Variants in WDR41 observed in about 807,000 individuals in gnomAD.
The protein encoded by WDR41 is WD repeat-containing protein 41.
A neutral mutation model predicts 69.3 loss-of-function variants in WDR41; 63 were observed. The ratio of observed to expected loss-of-function variants is 0.91; its 90% CI spans 0.74 to 1.12. WDR41 has a LOEUF of 1.12. Ranked by LOEUF, WDR41 falls within the 50% of genes most tolerant of loss-of-function variation. The pLI is 0.00. For missense variants in WDR41, 543 were observed against 534.5 expected (o/e 1.02, Z -0.16); for synonymous variants, 185 against 192.1 (o/e 0.96, Z 0.31).
At chr5:77,603,219 A>G (rs1380833218) in intron 1 of WDR41, among the ~76,000 whole-genome samples, 1 of 152,150 alleles carries the variant, frequency 6.6e-6, no homozygotes, top group Non-Finnish European at 1.5e-5. Flanking sequence ...TACAGGCATG[A>G]GCCACTGCGC....
At chr5:77,475,245 C>T (rs1364885564) in intron 2 of WDR41, among the ~76,000 whole-genome samples, 4 of 152,310 alleles carry the variant, frequency 2.6e-5, no homozygotes, top group African/African-American at 7.2e-5. Context: ...GGGGGAGGGG[C>T]GCCCGCCATT....
chr5:77,492,497 C>T (rs1373811557), upstream of WDR41: 1 of 402,648 alleles, frequency 2.5e-6, no homozygotes, highest in Non-Finnish European at 4.4e-6. Flanking sequence ...GGGGCGCGCG[C>T]TGCTCCGAGT....
intron 1 of WDR41, among the ~76,000 whole-genome samples, chr5:77,551,472 G>A (rs7722322): frequency 0.45 from 67,658 of 151,694 alleles, 15,378 homozygotes; most frequent in South Asian, 0.54. Context: ...GAGGTCAGGA[G>A]TTTGAGGCCA....
At chr5:77,436,535 G>C in intron 11 of WDR41, 141 bp from the exon 12 acceptor site, 2 of 973,596 alleles carry the variant, frequency 2.1e-6, no homozygotes, top group Non-Finnish European at 3.0e-6. Flanking sequence ...CACCGTGCTA[G>C]GGTTTTGTGA....
At chr5:77,516,726 G>GAA (rs1036660576) in intron 1 of WDR41, among the ~76,000 whole-genome samples, 34 of 152,298 alleles carry the variant, frequency 2.2e-4, no homozygotes, top group African/African-American at 7.7e-4. Flanking sequence ...TGTCTCTTAA[G>GAA]AATGTTTTCC....
chr5:77,536,501 G>A (rs536171421), intron 1 of WDR41, among the ~76,000 whole-genome samples: 5 of 152,170 alleles, frequency 3.3e-5, no homozygotes, highest in South Asian at 4.1e-4. Flanking sequence ...AGTCAAAGAC[G>A]AGGAAAAAAA....
intron 1 of WDR41, among the ~76,000 whole-genome samples, chr5:77,538,256 G>T (rs59648316): frequency 6.6e-6 from 1 of 152,038 alleles, no homozygotes; most frequent in Non-Finnish European, 1.5e-5. Flanking sequence ...TTCTACCCAT[G>T]TCGCTGCAAA....
At chr5:77,607,007 T>C (rs1404413588) in intron 1 of WDR41, among the ~76,000 whole-genome samples, 1 of 151,694 alleles carries the variant, frequency 6.6e-6, no homozygotes, top group African/African-American at 2.4e-5. Flanking sequence ...GAGAAGTTTT[T>C]GAGTAAGACA....
At chr5:77,531,559 T>C (rs964640584) in intron 1 of WDR41, among the ~76,000 whole-genome samples, 1 of 151,912 alleles carries the variant, frequency 6.6e-6, no homozygotes, top group African/African-American at 2.4e-5. Context: ...GTGGGAATGT[T>C]CAGCTGCTGT....
Position 77,595,199 on chromosome 5 carries a change from T to C in WDR41, c.42+25280A>G, listed in dbSNP as rs567709981. On this transcript the variant is annotated intron_variant, in intron 1 of 5. Coordinates refer to the WDR41 transcript ENST00000509971. ...AAGTCTTTAAAGGTATTTGAATCTG[T>C]GTACTAAATTAGATCAAACAGAAAA... Among the ~76,000 whole-genome samples, 16 of 152,322 alleles carry C rather than the reference T, an allele frequency of 1.1e-4. 2 individuals are homozygous for C. In the South Asian group the frequency reaches 3.3e-3, roughly 32 times the overall value.
intron 10 of WDR41, 136 bp downstream of exon 10, chr5:77,438,104 G>A (rs1799016632): frequency 7.8e-7 from 1 of 1,283,706 alleles, no homozygotes; most frequent in Non-Finnish European, 1.1e-6. Context: ...ACAGCCCTCA[G>A]GCATTCTCCA....
chr5:77,516,829 T>G (rs544830570), intron 1 of WDR41, among the ~76,000 whole-genome samples: 1 of 152,058 alleles, frequency 6.6e-6, no homozygotes, highest in African/African-American at 2.4e-5. Flanking sequence ...CCATCCTGAT[T>G]AACAGGGCGA....
At chr5:77,584,616 G>A (rs539738615) in intron 1 of WDR41, among the ~76,000 whole-genome samples, 1 of 152,148 alleles carries the variant, frequency 6.6e-6, no homozygotes, top group African/African-American at 2.4e-5. Context: ...AAAACATAAA[G>A]TGGGGAAAGG....
intron 1 of WDR41, among the ~76,000 whole-genome samples, chr5:77,596,014 G>A (rs1320833965): frequency 6.6e-6 from 1 of 151,970 alleles, no homozygotes; most frequent in Admixed American, 6.6e-5. Flanking sequence ...ACTGGCTGTG[G>A]GCTTAATGCC....
chr5:77,454,596 C>T (rs1799754411), intron 5 of WDR41, among the ~76,000 whole-genome samples: 1 of 152,094 alleles, frequency 6.6e-6, no homozygotes. Context: ...ATTTGGTAGT[C>T]AGGAAAGTGA....
chr5:77,441,091 C>T, intron 8 of WDR41, 94 bp from the exon 9 acceptor site: 1 of 1,341,486 alleles, frequency 7.5e-7, no homozygotes, highest in Non-Finnish European at 9.9e-7. Context: ...CGTATAAAAC[C>T]ACAGTAATTA....
chr5:77,434,760 C>T (rs149423752), intron 12 of WDR41, among the ~76,000 whole-genome samples: 3 of 152,200 alleles, frequency 2.0e-5, no homozygotes, highest in East Asian at 1.9e-4. Context: ...ATTTTATCAA[C>T]GAAGCTGGAG....
intron 1 of WDR41, chr5:77,583,154 T>C (rs1743972067): frequency 5.1e-6 from 6 of 1,187,366 alleles, no homozygotes; most frequent in African/African-American, 1.5e-5. Context: ...TCTAAGCTGG[T>C]TGGTTAATAA....
At chr5:77,484,619 T>G (rs1386554674) in intron 2 of WDR41, among the ~76,000 whole-genome samples, 6 of 152,238 alleles carry the variant, frequency 3.9e-5, no homozygotes, top group Non-Finnish European at 8.8e-5. Flanking sequence ...TCTAAAAATA[T>G]TAACTTTTTC....
Sources: gnomAD v4.1 joint callset for allele counts (sites outside exome capture counted in the v4.1 genomes callset) on GRCh38, gnomAD v4.1.1 for gene constraint, MANE v1.5 for transcripts, NCBI Gene and HGNC (gene_info 2026-07-23, HGNC 2026-07-21) for gene names.